The following ATP13A4 variants were observed in gnomAD, a reference collection of about 807,000 sequenced individuals.
ATP13A4 encodes the protein ATPase 13A4, also known as probable cation-transporting ATPase 13A4.
In ATP13A4, 114 loss-of-function variants were observed where a neutral mutation model predicts 142.5. The observed-to-expected ratio is 0.80, with a 90% CI of 0.69 to 0.93. The LOEUF (loss-of-function observed/expected upper bound fraction) is 0.93, where lower values mean the gene tolerates loss of function less well. ATP13A4 is among the 40% of genes least tolerant of loss of function. The probability of loss-of-function intolerance (pLI) is 0.00; values close to 1 mark genes in which losing one functional copy is unlikely to be tolerated. For missense variants in ATP13A4, 1,392 were observed against 1,454.0 expected (o/e 0.96, Z 0.69); for synonymous variants, 488 against 514.8 (o/e 0.95, Z 0.70).
intron 3 of ATP13A4, among the ~76,000 whole-genome samples, chr3:193,497,163 CT>C (rs760914786): frequency 3.3e-5 from 5 of 152,122 alleles, no homozygotes; most frequent in Admixed American, 6.5e-5. Context: ...TATTTGCGAA[CT>C]GTGCATCTGA....
At chr3:193,432,928 T>G (rs866208727) in intron 25 of ATP13A4, among the ~76,000 whole-genome samples, 8 of 152,124 alleles carry the variant, frequency 5.3e-5, no homozygotes, top group Middle Eastern at 3.2e-3. Context: ...ACCCATAAAA[T>G]GTGCAAGACC....
chr3:193,404,866 T>G lies in ATP13A4; in HGVS notation c.3379-2002A>C, dbSNP rs1225797038. On this transcript the variant is annotated intron_variant, in intron 29 of 29. Coordinates refer to ENST00000342695, the MANE Select transcript of ATP13A4 (RefSeq NM_032279.4). ...TTAGTGAGACATTTCTTTAAAAAAA[T>G]TTCGCCACATGAGCGCTTCTGACTG... Among the ~76,000 whole-genome samples the G allele has an allele frequency of 2.0e-5, 3 of 152,144 alleles. No individual in the cohort carries two copies. In the East Asian group the frequency reaches 5.8e-4, roughly 29 times the overall value.
At chr3:193,483,717 G>C (rs9842952) in intron 8 of ATP13A4, among the ~76,000 whole-genome samples, 2 of 151,740 alleles carry the variant, frequency 1.3e-5, no homozygotes, top group Non-Finnish European at 2.9e-5. Context: ...GCCCGCCTCG[G>C]CCTCCCAAAG....
chr3:193,459,617 TTAGCAAGGA>T (rs539294239), intron 13 of ATP13A4, among the ~76,000 whole-genome samples: 24 of 152,284 alleles, frequency 1.6e-4, no homozygotes, highest in Admixed American at 3.9e-4. Flanking sequence ...TTTTGTATTT[TTAGCAAGGA>T]TGGGGTTTCA....
At chr3:193,569,438 TA>T (rs1422195174) in intron 2 of ATP13A4, among the ~76,000 whole-genome samples, 3 of 152,354 alleles carry the variant, frequency 2.0e-5, no homozygotes, top group African/African-American at 7.2e-5. Context: ...AAGCATCAGA[TA>T]AAAACTAAGG....
intron 23 of ATP13A4, among the ~76,000 whole-genome samples, chr3:193,437,897 T>C (rs1455897938): frequency 6.9e-6 from 1 of 144,052 alleles, no homozygotes; most frequent in African/African-American, 2.6e-5. Flanking sequence ...AGTGGCACAA[T>C]CTTGGCTCAC....
At chr3:193,440,662 T>C in intron 20 of ATP13A4, 25 bp from the exon 21 acceptor site, 2 of 1,611,094 alleles carry the variant, frequency 1.2e-6, no homozygotes, top group Non-Finnish European at 8.5e-7. Context: ...AAATGGAGAT[T>C]TTTTTATCAA....
intron 13 of ATP13A4, among the ~76,000 whole-genome samples, chr3:193,461,957 G>C (rs975223915): frequency 1.3e-5 from 2 of 152,130 alleles, no homozygotes; most frequent in Non-Finnish European, 2.9e-5. Flanking sequence ...TGCAGTGGCT[G>C]ATGCCTGTAA....
chr3:193,467,358 C>T lies in ATP13A4; in HGVS notation c.1072G>A (p.Ala358Thr). 1 of 1,614,170 alleles carries T rather than the reference C, an allele frequency of 6.2e-7. No individual in the cohort carries two copies. The highest frequency in any genetic ancestry group is 8.5e-7 in the Non-Finnish European group (1 of 1,180,034). ...GCTCTCACGGTCCCAGAGCAAGCTG[C>T]CTTGGCCTGGATAACCTCTGTTCCA... ...FCGTEVIQAK[A>T]ACSGTVRAVV... Residue 358 changes from alanine to threonine, a missense_variant, in exon 10 of 30, where the codon GCA becomes ACA. Coordinates refer to ENST00000342695, the MANE Select transcript of ATP13A4 (RefSeq NM_032279.4).
chr3:193,439,079 A>G lies in ATP13A4; in HGVS notation c.2520-14T>C, dbSNP rs1716471230. 3 of 1,596,370 alleles carry G rather than the reference A, an allele frequency of 1.9e-6. No homozygotes were observed. The highest frequency in any genetic ancestry group is 2.6e-6 in the Non-Finnish European group (3 of 1,163,854). On this transcript the variant is annotated splice_polypyrimidine_tract_variant and intron_variant, in intron 21 of 29. Coordinates refer to ENST00000342695, the MANE Select transcript of ATP13A4 (RefSeq NM_032279.4). The stretch of plus-strand genomic sequence containing the variant: ...CCTACAAAGTAACTAAGAGGGAACC[A>G]CATTAATTGTAGATGAGATCAAACC...
chr3:193,474,334 A>AC (rs1382917188), intron 8 of ATP13A4, among the ~76,000 whole-genome samples: 10 of 148,208 alleles, frequency 6.7e-5, no homozygotes, highest in Middle Eastern at 3.4e-3. Flanking sequence ...AAAAAAAAAA[A>AC]AAAAAAAAAA....
chr3:193,410,886 G>A, intron 28 of ATP13A4, 96 bp downstream of exon 28: 2 of 826,904 alleles, frequency 2.4e-6, no homozygotes, highest in Admixed American at 2.0e-5. Flanking sequence ...AATAATTTGT[G>A]TCAAAAATCA....
chr3:193,548,866 T>C (rs1391350646), intron 1 of ATP13A4, among the ~76,000 whole-genome samples: 1 of 152,224 alleles, frequency 6.6e-6, no homozygotes, highest in Non-Finnish European at 1.5e-5. Flanking sequence ...GAGTTTACCG[T>C]GCTTTTCCAC....
intron 8 of ATP13A4, among the ~76,000 whole-genome samples, chr3:193,478,263 T>C (rs958648371): frequency 6.7e-6 from 1 of 148,800 alleles, no homozygotes; most frequent in African/African-American, 2.5e-5. Flanking sequence ...AGAAAATAAA[T>C]AACCAAGATC....
At chr3:193,435,818 G>T in intron 23 of ATP13A4, 74 bp from the exon 24 acceptor site, 1 of 1,323,178 alleles carries the variant, frequency 7.6e-7, no homozygotes, top group Non-Finnish European at 1.1e-6. Context: ...GTGCTGTTCA[G>T]CTAAGCTCAG....
chr3:193,572,073 C>A (rs1175380032), intron 2 of ATP13A4, among the ~76,000 whole-genome samples: 2 of 152,102 alleles, frequency 1.3e-5, no homozygotes, highest in Non-Finnish European at 2.9e-5. Context: ...TGGCAAAACC[C>A]CGCCTCTACA....
chr3:193,437,448 TA>T (rs1378396438), intron 23 of ATP13A4, among the ~76,000 whole-genome samples: 10 of 152,220 alleles, frequency 6.6e-5, no homozygotes, highest in South Asian at 2.1e-4. Context: ...TGGGAGGACC[TA>T]GCCAAATTAT....
At chr3:193,507,525 CA>C (rs367675291) in intron 2 of ATP13A4, among the ~76,000 whole-genome samples, 3 of 148,948 alleles carry the variant, frequency 2.0e-5, no homozygotes, top group Admixed American at 1.3e-4. Flanking sequence ...ATATGTTGTC[CA>C]AAAAAAAAGA....
Position 193,433,878 on chromosome 3 carries a change from C to G in ATP13A4, c.2809G>C (p.Asp937His). The change falls in exon 25 of 30, where the codon GAT becomes CAT. Residue 937 changes from aspartate (D) to histidine (H), a missense_variant. By Grantham distance (81) the Asp-to-His change is moderately conservative. Transcript: ENST00000342695. ...CCAATAAGAGTTGTAATGGCCAGATCCTGGAACAGAAACTGGTAATTTGAA... is the reference window on the plus strand; with the variant it reads ...CCAATAAGAGTTGTAATGGCCAGATGCTGGAACAGAAACTGGTAATTTGAA... ...SLSNYQFLFQ[D>H]LAITTLIGVT... 1 of 1,613,836 alleles carries G rather than the reference C, an allele frequency of 6.2e-7. No individual in the cohort carries two copies.
Sources: allele counts gnomAD v4.1 joint callset (sites outside exome capture counted in the v4.1 genomes callset), GRCh38; gene constraint gnomAD v4.1.1; transcripts MANE v1.5; gene names NCBI Gene and HGNC (gene_info 2026-07-23, HGNC 2026-07-21).